Variants in MAGI2 observed in about 807,000 individuals in gnomAD.
MAGI2 encodes the protein membrane-associated guanylate kinase, WW and PDZ domain-containing protein 2.
Under a neutral mutation model 133.3 loss-of-function variants are expected in MAGI2, and 35 were observed. The ratio of observed to expected loss-of-function variants is 0.26; its 90% confidence interval spans 0.20 to 0.35. The LOEUF (loss-of-function observed/expected upper bound fraction) is 0.35. Among genes scored for constraint, MAGI2 ranks in the 10% least tolerant of loss-of-function variants. The pLI is 1.00. For synonymous variants in MAGI2, 729 were observed against 710.6 expected (o/e 1.03, Z -0.41); for missense variants, 1,636 against 1,863.4 (o/e 0.88, Z 2.25).
At chr7:78,163,291 C>T (rs1348977286) in intron 15 of MAGI2, among the ~76,000 whole-genome samples, 2 of 152,042 alleles carry the variant, frequency 1.3e-5, no homozygotes, top group East Asian at 2.0e-4. Flanking sequence ...GCGTCCGCCA[C>T]CACGCCCGGC....
rs1198812866 is a variant in MAGI2, at chr7:78,084,519, GCTTTCTTGAAATACTGCCTTA to G, written c.3568-5455_3568-5435del. ...TTTAGGGCACCTCAGCATACCTCAA[GCTTTCTTGAAATACTGCCTTA>G]CGCAGTTCCATCCAAATCATGACAA... is the stretch of plus-strand genomic sequence containing the variant. On this transcript the variant is annotated intron_variant, in intron 20 of 21. Transcript: ENST00000354212. Among the ~76,000 whole-genome samples, 5 of 152,326 alleles carry G rather than the reference GCTTTCTTGAAATACTGCCTTA, an allele frequency of 3.3e-5. No homozygotes were observed. The East Asian group carries it at 7.7e-4, about 24-fold the overall frequency.
chr7:78,921,678 C>G (rs1052880285), intron 2 of MAGI2, among the ~76,000 whole-genome samples: 9 of 151,714 alleles, frequency 5.9e-5, no homozygotes, highest in African/African-American at 1.9e-4. Context: ...GTTGCCCAGG[C>G]TATAGTGCAG....
Position 78,908,460 on chromosome 7 carries a change from A to G in MAGI2, c.418+98630T>C, listed in dbSNP as rs962071253. On this transcript the variant is annotated intron_variant, in intron 2 of 21. Coordinates refer to ENST00000354212, the MANE Select transcript of MAGI2 (RefSeq NM_012301.4). ...TATTTAGTTTTCTCAAATTACATCA[A>G]CGAGTCAGGCTTCAGGATCCTGATT... Among the ~76,000 whole-genome samples, 9 of 152,354 alleles carry G rather than the reference A, an allele frequency of 5.9e-5. No homozygotes were observed. The East Asian group carries it at 1.7e-3, about 29-fold the overall frequency.
At chr7:78,291,851 A>G (rs897134003) in intron 9 of MAGI2, among the ~76,000 whole-genome samples, 3 of 79,608 alleles carry the variant, frequency 3.8e-5, no homozygotes, top group Admixed American at 1.2e-4. Context: ...ATCTCAATAG[A>G]TGCGGAAAAG....
chr7:78,908,031 T>C (rs1011247518), intron 2 of MAGI2, among the ~76,000 whole-genome samples: 1 of 152,144 alleles, frequency 6.6e-6, no homozygotes, highest in Non-Finnish European at 1.5e-5. Flanking sequence ...GGAGATGATG[T>C]CCTACCTAAA....
At chr7:79,353,292 C>T in intron 1 of MAGI2, 1 of 367,084 alleles carries the variant, frequency 2.7e-6, no homozygotes, top group South Asian at 2.0e-5. Flanking sequence ...TTTCCCAACA[C>T]CCTGAACACA....
intron 20 of MAGI2, among the ~76,000 whole-genome samples, chr7:78,115,022 G>A (rs1246681514): frequency 6.6e-6 from 1 of 152,126 alleles, no homozygotes; most frequent in Non-Finnish European, 1.5e-5. Context: ...GCAATATGGT[G>A]GATTAGATTC....
chr7:79,166,851 G>T (rs1441153003), intron 1 of MAGI2, among the ~76,000 whole-genome samples: 2 of 151,930 alleles, frequency 1.3e-5, no homozygotes, highest in Non-Finnish European at 2.9e-5. Flanking sequence ...GTAATATAGA[G>T]CATGCACGGT....
At chr7:78,557,097 A>AAAAAAAAAAAAAAAAAGAAAG (rs1554473311) in intron 3 of MAGI2, among the ~76,000 whole-genome samples, 3 of 138,946 alleles carry the variant, frequency 2.2e-5, no homozygotes, top group Admixed American at 7.4e-5. Flanking sequence ...AAAAAAAAAA[A>AAAAAAAAAAAAAAAAAGAAAG]AAAGAAAAAG....
At position 78,958,232 on chromosome 7, in the gene MAGI2, A is replaced by G. The variant is rs540665241; in HGVS notation, c.418+48858T>C. 2.1e-3 allele frequency among the ~76,000 whole-genome samples: 326 copies of G among 152,236 alleles called. 1 individual carries two copies. The highest frequency in any genetic ancestry group is 0.014 in the Middle Eastern group (4 of 294). ...GCCACTCTGCTCCTTTGTCTATGCC[A>G]GAAAAAAAATTATAGTAGCAGGCAG... On this transcript the variant is annotated intron_variant, in intron 2 of 21. Transcript: ENST00000354212.
chr7:78,156,513 A>T (rs1405269227), intron 16 of MAGI2, among the ~76,000 whole-genome samples: 1 of 152,264 alleles, frequency 6.6e-6, no homozygotes, highest in South Asian at 2.1e-4. Context: ...TTTAGTGCTT[A>T]CTCTGAGCCA....
intron 10 of MAGI2, chr7:78,255,662 C>G (rs780728155): frequency 2.6e-5 from 15 of 568,786 alleles, no homozygotes; most frequent in Non-Finnish European, 4.3e-5. Context: ...AAAATACATT[C>G]ATAGTTGGGG....
intron 14 of MAGI2, among the ~76,000 whole-genome samples, chr7:78,177,217 T>G (rs753323034): frequency 6.6e-6 from 1 of 152,126 alleles, no homozygotes; most frequent in African/African-American, 2.4e-5. Context: ...GGGATGTAGA[T>G]AGCTGACTGC....
At chr7:78,202,167 A>C (rs1829311223) in intron 10 of MAGI2, among the ~76,000 whole-genome samples, 1 of 152,166 alleles carries the variant, frequency 6.6e-6, no homozygotes, top group Non-Finnish European at 1.5e-5. Flanking sequence ...AATAAAAATG[A>C]ATATTGAAAA....
chr7:78,124,160 G>A (rs1454346942), intron 20 of MAGI2, among the ~76,000 whole-genome samples: 1 of 152,202 alleles, frequency 6.6e-6, no homozygotes, highest in African/African-American at 2.4e-5. Flanking sequence ...TCTTCCTACT[G>A]TGTTTCACCT....
chr7:79,105,547 A>C (rs1818376525), intron 1 of MAGI2, among the ~76,000 whole-genome samples: 1 of 152,194 alleles, frequency 6.6e-6, no homozygotes, highest in African/African-American at 2.4e-5. Context: ...GTATCTATAG[A>C]AGCACAAAAT....
chr7:78,627,564 G>C (rs1391401227), intron 2 of MAGI2, among the ~76,000 whole-genome samples: 1 of 152,188 alleles, frequency 6.6e-6, no homozygotes, highest in Non-Finnish European at 1.5e-5. Flanking sequence ...CAGTCTGCTA[G>C]TTCAGGAATT....
At chr7:78,727,903 C>A (rs1057376596) in intron 2 of MAGI2, among the ~76,000 whole-genome samples, 1 of 152,148 alleles carries the variant, frequency 6.6e-6, no homozygotes, top group Non-Finnish European at 1.5e-5. Context: ...ACACAAAGAG[C>A]ATATTGTCTA....
At chr7:78,627,387 G>A (rs1319504463) in intron 2 of MAGI2, 148 bp from the exon 3 acceptor site, 4 of 658,972 alleles carry the variant, frequency 6.1e-6, no homozygotes, top group Non-Finnish European at 9.0e-6. Flanking sequence ...TGTTTGTTTG[G>A]CAACAGAAAA....
Sources: gnomAD v4.1 joint callset for allele counts (sites outside exome capture counted in the v4.1 genomes callset) on GRCh38, gnomAD v4.1.1 for gene constraint, MANE v1.5 for transcripts, NCBI Gene and HGNC (gene_info 2026-07-23, HGNC 2026-07-21) for gene names.